Variants in NPSR1 observed in about 807,000 individuals in gnomAD.
The protein encoded by NPSR1 is neuropeptide S receptor.
Under a neutral mutation model 46.9 loss-of-function variants are expected in NPSR1, and 48 were observed. The observed-to-expected ratio is 1.02, with a 90% CI of 0.81 to 1.30. The LOEUF is 1.30. NPSR1 is among the 50% of genes most tolerant of loss of function. The pLI is 0.00. For synonymous variants in NPSR1, 176 were observed against 168.1 expected (o/e 1.05, Z -0.36); for missense variants, 450 against 449.5 (o/e 1.00, Z -0.01).
At chr7:34,851,733 G>A (rs1458429355), downstream of NPSR1, among the ~76,000 whole-genome samples, 1 of 152,148 alleles carries the variant, frequency 6.6e-6, no homozygotes, top group East Asian at 1.9e-4. Context: ...TACATTACAT[G>A]CCTACCTCAT....
At chr7:34,718,370 A>G (rs1783677320) in intron 2 of NPSR1, among the ~76,000 whole-genome samples, 1 of 152,194 alleles carries the variant, frequency 6.6e-6, no homozygotes, top group African/African-American at 2.4e-5. Flanking sequence ...CACAAGAGAG[A>G]ATGAGAATGA....
intron 4 of NPSR1, among the ~76,000 whole-genome samples, chr7:34,826,460 C>A (rs1789846142): frequency 6.6e-6 from 1 of 152,150 alleles, no homozygotes; most frequent in African/African-American, 2.4e-5. Flanking sequence ...CAAAGACACA[C>A]ACCTGCTTTC....
At chr7:34,862,018 A>C (rs1310336564) in intron 8 of NPSR1, among the ~76,000 whole-genome samples, 1 of 151,810 alleles carries the variant, frequency 6.6e-6, no homozygotes, top group Non-Finnish European at 1.5e-5. Flanking sequence ...CCTCTTCAAC[A>C]GGCACTCCCC....
intron 2 of NPSR1, among the ~76,000 whole-genome samples, chr7:34,778,199 CTA>C (rs1430097263): frequency 2.0e-5 from 3 of 152,146 alleles, no homozygotes; most frequent in Non-Finnish European, 4.4e-5. Flanking sequence ...AAAGTCAACT[CTA>C]TGATTAGCAT....
At chr7:34,793,551 C>T (rs943314754) in intron 3 of NPSR1, among the ~76,000 whole-genome samples, 2 of 151,994 alleles carry the variant, frequency 1.3e-5, no homozygotes, top group Non-Finnish European at 2.9e-5. Context: ...AGAATGGCTA[C>T]TACAGAAAGA....
rs182680223 is a variant in NPSR1 at position 34,687,243 on chromosome 7, C to T, written c.280+2559C>T. Among the ~76,000 whole-genome samples, 956 of 151,832 alleles carry T rather than the reference C, an allele frequency of 6.3e-3. 2 individuals are homozygous for T. The highest frequency in any genetic ancestry group is 0.011 in the Non-Finnish European group (775 of 67,956). ...TGATAAACAGACAAAGAAAAATACA[C>T]ATTCATATTTATAGTTACATATGTC... On this transcript the variant is annotated intron_variant, in intron 2 of 8. Transcript: ENST00000360581.
intron 2 of NPSR1, among the ~76,000 whole-genome samples, chr7:34,743,439 TG>T (rs1785048875): frequency 1.3e-5 from 2 of 149,558 alleles, no homozygotes; most frequent in Admixed American, 6.7e-5. Context: ...TCTCTCTCTC[TG>T]TCTTCTTTTT....
chr7:34,853,434 G>A (rs975451564), downstream of NPSR1, among the ~76,000 whole-genome samples: 4 of 152,156 alleles, frequency 2.6e-5, no homozygotes, highest in African/African-American at 9.7e-5. Context: ...GGCCGTAACT[G>A]TTTAGGTGCC....
At chr7:34,809,105 G>T (rs1017960008) in intron 3 of NPSR1, among the ~76,000 whole-genome samples, 29 of 152,110 alleles carry the variant, frequency 1.9e-4, no homozygotes, top group African/African-American at 6.7e-4. Context: ...ACTCCACAGG[G>T]TTCTGCCATT....
intron 3 of NPSR1, among the ~76,000 whole-genome samples, chr7:34,807,457 C>A (rs1418373884): frequency 6.6e-6 from 1 of 152,032 alleles, no homozygotes; most frequent in African/African-American, 2.4e-5. Flanking sequence ...TATCCTATTG[C>A]CATCATGTGT....
At chr7:34,841,252 T>C (rs1470820678) in intron 6 of NPSR1, among the ~76,000 whole-genome samples, 1 of 152,176 alleles carries the variant, frequency 6.6e-6, no homozygotes, top group Non-Finnish European at 1.5e-5. Context: ...CTGCTTCCAT[T>C]TGAAATCCCA....
chr7:34,814,205 C>T (rs1789131327), intron 4 of NPSR1, among the ~76,000 whole-genome samples: 1 of 152,234 alleles, frequency 6.6e-6, no homozygotes, highest in South Asian at 2.1e-4. Flanking sequence ...CCAAATACTG[C>T]ACTTTTCCCA....
At position 34,865,278 on chromosome 7, in the gene NPSR1, C is replaced by T. The variant is rs191321516; in HGVS notation, c.1026-12798C>T. 2.6e-5 allele frequency among the ~76,000 whole-genome samples: 4 copies of T among 151,964 alleles called. No homozygotes were observed. The East Asian group carries it at 7.7e-4, about 29-fold the overall frequency. ...TGTTTCACTGGTTAGCCTATCCTGC[C>T]TGATACACCCACAAAATCTCTGGAA... On this transcript the variant is annotated intron_variant, in intron 8 of 8. Coordinates refer to the NPSR1 transcript ENST00000359791.
rs954564565 is a variant in NPSR1, at chr7:34,818,756, A to G, written c.478+6893A>G. On this transcript the variant is annotated intron_variant, in intron 4 of 8. Coordinates refer to ENST00000360581, the MANE Select transcript of NPSR1 (RefSeq NM_207172.2). The stretch of plus-strand genomic sequence containing the variant: ...ATGGAACAGAACAGAGCCCTCAGAC[A>G]TAACACCACACTTCTACAACCATCT... Among the ~76,000 whole-genome samples, 3 of 152,228 alleles carry G rather than the reference A, an allele frequency of 2.0e-5. 1 individual carries two copies. The highest frequency in any genetic ancestry group is 1.3e-4 in the Admixed American group (2 of 15,290).
At chr7:34,790,543 A>G (rs1303892472) in intron 3 of NPSR1, among the ~76,000 whole-genome samples, 7 of 151,192 alleles carry the variant, frequency 4.6e-5, no homozygotes, top group Non-Finnish European at 8.9e-5. Flanking sequence ...AGAAAAAAAG[A>G]AAAGAAAAAA....
rs1785528209 is a variant in NPSR1, at chr7:34,751,569, C to A, written c.281-26893C>A. On this transcript the variant is annotated intron_variant, in intron 2 of 8. Transcript: ENST00000360581. Reference sequence around the variant, plus strand: ...TATTCTTCTCCTTGGGATCTTTGGTCTTGTGCTCCTGTTCTTCCCGGAGAA... The same window carrying A: ...TATTCTTCTCCTTGGGATCTTTGGTATTGTGCTCCTGTTCTTCCCGGAGAA... 3 of 1,598,598 alleles carry A rather than the reference C, an allele frequency of 1.9e-6. No homozygotes were observed. In the African/African-American group the frequency reaches 4.0e-5, roughly 21 times the overall value.
intron 2 of NPSR1, among the ~76,000 whole-genome samples, chr7:34,744,797 T>C (rs1338981692): frequency 6.6e-6 from 1 of 152,228 alleles, no homozygotes; most frequent in Non-Finnish European, 1.5e-5. Flanking sequence ...GACTTTGTCA[T>C]GTTTTCATTA....
intron 3 of NPSR1, among the ~76,000 whole-genome samples, chr7:34,794,443 T>A (rs373535653): frequency 6.6e-6 from 1 of 152,094 alleles, no homozygotes; most frequent in East Asian, 1.9e-4. Flanking sequence ...ATAACCTAGT[T>A]AAGATGGACC....
At chr7:34,854,670 A>C (rs1314502655), downstream of NPSR1, among the ~76,000 whole-genome samples, 4 of 152,260 alleles carry the variant, frequency 2.6e-5, no homozygotes, top group Non-Finnish European at 5.9e-5. Flanking sequence ...ATACTTTTAA[A>C]AGTTGTCAGA....
Sources: gnomAD v4.1 joint callset for allele counts (sites outside exome capture counted in the v4.1 genomes callset) on GRCh38, gnomAD v4.1.1 for gene constraint, MANE v1.5 for transcripts, NCBI Gene and HGNC (gene_info 2026-07-23, HGNC 2026-07-21) for gene names.